The following PIP4K2A variants were observed in gnomAD, a reference collection of about 807,000 sequenced individuals.
The protein encoded by PIP4K2A is phosphatidylinositol 5-phosphate 4-kinase type-2 alpha.
PIP4K2A carries 14 observed loss-of-function variants against 42.9 expected under a neutral mutation model. That is an observed-to-expected ratio of 0.33 (90% confidence interval 0.22 to 0.51). The LOEUF is 0.51. PIP4K2A is among the 20% of genes least tolerant of loss of function. The pLI is 0.97. For synonymous variants in PIP4K2A, 192 were observed against 192.2 expected, an observed-to-expected ratio of 1.00 and a Z score of 0.01; for missense variants, 434 against 519.8, an observed-to-expected ratio of 0.83 and a Z score of 1.61.
chr10:22,580,237 C>CA (rs137950545), intron 4 of PIP4K2A, among the ~76,000 whole-genome samples: 1 of 151,540 alleles, frequency 6.6e-6, no homozygotes, highest in Non-Finnish European at 1.5e-5. Context: ...CGTAAAACAC[C>CA]AAAAAAAATA....
chr10:22,608,154 C>G, intron 2 of PIP4K2A, 131 bp from the exon 3 acceptor site: 1 of 576,492 alleles, frequency 1.7e-6, no homozygotes, highest in Non-Finnish European at 3.1e-6. Flanking sequence ...GGTGTGCTTC[C>G]TAGAACCAGG....
chr10:22,577,035 G>A (rs1160206036), intron 4 of PIP4K2A, among the ~76,000 whole-genome samples: 7 of 142,796 alleles, frequency 4.9e-5, no homozygotes, highest in South Asian at 4.4e-4. Flanking sequence ...CCGAGATTGC[G>A]CCACTGCACT....
intron 1 of PIP4K2A, among the ~76,000 whole-genome samples, chr10:22,621,721 C>T (rs886176519): frequency 6.6e-6 from 1 of 152,198 alleles, no homozygotes; most frequent in Non-Finnish European, 1.5e-5. Flanking sequence ...TGAAACACAT[C>T]ATTAATAAAA....
chr10:22,545,711 CTTTTT>C (rs1013060160), intron 7 of PIP4K2A, among the ~76,000 whole-genome samples: 1 of 152,136 alleles, frequency 6.6e-6, no homozygotes, highest in African/African-American at 2.4e-5. Context: ...CACATGTTTT[CTTTTT>C]GTTTAAGAGA....
intron 1 of PIP4K2A, among the ~76,000 whole-genome samples, chr10:22,636,182 T>C (rs1343397337): frequency 6.6e-6 from 1 of 152,114 alleles, no homozygotes; most frequent in African/African-American, 2.4e-5. Context: ...GGAAACGTTC[T>C]CTCCTGGCCA....
At chr10:22,701,463 G>C (rs1221275824) in intron 1 of PIP4K2A, among the ~76,000 whole-genome samples, 1 of 152,092 alleles carries the variant, frequency 6.6e-6, no homozygotes, top group Non-Finnish European at 1.5e-5. Flanking sequence ...TGTTACCCCT[G>C]CCCAAGCTCA....
At chr10:22,598,367 A>G (rs1487862108) in intron 3 of PIP4K2A, among the ~76,000 whole-genome samples, 1 of 152,202 alleles carries the variant, frequency 6.6e-6, no homozygotes, top group East Asian at 1.9e-4. Context: ...AAAAATAAAA[A>G]CAAACAGACA....
chr10:22,692,841 G>A (rs922591335), intron 1 of PIP4K2A, among the ~76,000 whole-genome samples: 1 of 152,158 alleles, frequency 6.6e-6, no homozygotes, highest in African/African-American at 2.4e-5. Flanking sequence ...CAGAAAACAT[G>A]TCCTTTAGGC....
At chr10:22,658,048 T>A (rs1839136407) in intron 1 of PIP4K2A, among the ~76,000 whole-genome samples, 1 of 152,142 alleles carries the variant, frequency 6.6e-6, no homozygotes, top group Admixed American at 6.6e-5. Flanking sequence ...AAACGTGTAA[T>A]TTTTTTCTAA....
intron 1 of PIP4K2A, among the ~76,000 whole-genome samples, chr10:22,669,460 GA>G (rs892385894): frequency 1.2e-4 from 18 of 151,460 alleles, no homozygotes; most frequent in African/African-American, 3.9e-4. Context: ...ATGCATAAAT[GA>G]AAAAAACAAA....
chr10:22,535,100 C>T lies in PIP4K2A; in HGVS notation c.*2101G>A, dbSNP rs540693909. ...TTTATCAACAGAAATAAATGACAGA[C>T]TGTTTGTTATAGACAAAAATAAAAG... is the stretch of plus-strand genomic sequence containing the variant. On this transcript the variant is annotated 3_prime_UTR_variant, in exon 10 of 10. Transcript: ENST00000376573. The T allele has an allele frequency of 1.3e-5, 2 of 152,322 alleles. No individual in the cohort carries two copies. The highest frequency in any genetic ancestry group is 2.4e-5 in the African/African-American group (1 of 41,570). 9.4% of individuals were successfully genotyped at this position (152,322 alleles called of 1,614,324 possible).
intron 6 of PIP4K2A, among the ~76,000 whole-genome samples, chr10:22,555,414 A>G (rs1475478517): frequency 1.3e-5 from 2 of 152,348 alleles, no homozygotes; most frequent in South Asian, 2.1e-4. Context: ...GTTATATACA[A>G]ACGTCGTTAT....
intron 1 of PIP4K2A, among the ~76,000 whole-genome samples, chr10:22,669,676 C>G (rs574524860): frequency 2.0e-5 from 3 of 152,128 alleles, no homozygotes; most frequent in Non-Finnish European, 2.9e-5. Context: ...GAGGACACCA[C>G]GGATGCAGGA....
At chr10:22,632,859 T>C (rs1049996312) in intron 1 of PIP4K2A, among the ~76,000 whole-genome samples, 4 of 152,256 alleles carry the variant, frequency 2.6e-5, no homozygotes, top group Non-Finnish European at 1.5e-5. Flanking sequence ...AAAAATATCT[T>C]ACTTGTAGGA....
At chr10:22,688,384 T>C (rs568628144) in intron 1 of PIP4K2A, among the ~76,000 whole-genome samples, 6 of 152,328 alleles carry the variant, frequency 3.9e-5, no homozygotes, top group Non-Finnish European at 8.8e-5. Context: ...TTACAGAATT[T>C]CCTTACGTGG....
intron 2 of PIP4K2A, among the ~76,000 whole-genome samples, chr10:22,609,205 C>T (rs759942328): frequency 5.9e-5 from 9 of 152,220 alleles, no homozygotes; most frequent in Non-Finnish European, 1.0e-4. Context: ...CAATGCCCAA[C>T]ATGGCATCTA....
intron 1 of PIP4K2A, among the ~76,000 whole-genome samples, chr10:22,703,098 G>A (rs1833747347): frequency 6.6e-6 from 1 of 152,100 alleles, no homozygotes; most frequent in Admixed American, 6.6e-5. Flanking sequence ...ACTAATAGGA[G>A]CCAACCATCC....
chr10:22,539,886 G>GGGGA lies in PIP4K2A; in HGVS notation c.1140+84_1140+85insTCCC, dbSNP rs1390963717. 1.4e-4 allele frequency: 100 copies of GGGGA among 699,576 alleles called. 1 individual carries two copies. In the African/African-American group the frequency reaches 2.3e-3, roughly 16 times the overall value. The allele number at this position is 699,576 out of a possible 1,614,324, so 43.3% of individuals were successfully genotyped here. Reference sequence around the variant, plus strand: ...AGTTACAGGTCACACAGAGGAGCCAGGAGAGAGAGAGAGAGAGAGAGAGAG... The same window carrying GGGGA: ...AGTTACAGGTCACACAGAGGAGCCAGGGGAGAGAGAGAGAGAGAGAGAGAGAGAG... On this transcript the variant is annotated intron_variant, in intron 9 of 9. Transcript: ENST00000376573.
In PIP4K2A at chr10:22,624,202, G is replaced by T. The variant is rs190822722; in HGVS notation, c.145-14485C>A. On this transcript the variant is annotated intron_variant, in intron 1 of 9. Transcript: ENST00000376573. The stretch of plus-strand genomic sequence containing the variant: ...ATTTTATTAATTTAATGATTAACAT[G>T]TAGAAGCTTCTTTCTGGGTTCCTCT... Among the ~76,000 whole-genome samples, 8 of 152,278 alleles carry T rather than the reference G, an allele frequency of 5.3e-5. No individual in the cohort carries two copies. The East Asian group carries it at 1.5e-3, about 29-fold the overall frequency.
Sources: gnomAD v4.1 joint callset for allele counts (sites outside exome capture counted in the v4.1 genomes callset) on GRCh38, gnomAD v4.1.1 for gene constraint, MANE v1.5 for transcripts, NCBI Gene and HGNC (gene_info 2026-07-23, HGNC 2026-07-21) for gene names.